Variants in SYNPO2 observed in about 807,000 individuals in gnomAD.
SYNPO2 encodes the protein synaptopodin-2.
SYNPO2 carries 56 observed loss-of-function variants against 85.0 expected under a neutral mutation model. The observed-to-expected ratio is 0.66, with a 90% confidence interval of 0.53 to 0.82. The LOEUF (loss-of-function observed/expected upper bound fraction) is 0.82. Ranked by LOEUF, SYNPO2 falls within the 40% of genes least tolerant of loss-of-function variation. The pLI is 0.00. For synonymous variants in SYNPO2, 602 were observed against 591.1 expected, an observed-to-expected ratio of 1.02 and a Z score of -0.27; for missense variants, 1,575 against 1,534.2, an observed-to-expected ratio of 1.03 and a Z score of -0.44.
chr4:118,878,678 A>G (rs1404144007), intron 1 of SYNPO2, among the ~76,000 whole-genome samples: 2 of 152,156 alleles, frequency 1.3e-5, no homozygotes, highest in African/African-American at 4.8e-5. Context: ...AAACGCACCA[A>G]TCAGTGCTCT....
At position 119,057,526 on chromosome 4, in the gene SYNPO2, C is replaced by T. The variant is rs1739246643; in HGVS notation, c.3378C>T (p.Asn1126=). Reference sequence around the variant, plus strand: ...CAACCGATGGACTAGAGAAAGCAAACAAGAGACCAACTCCTTGGGAAGCAG... The same window carrying T: ...CAACCGATGGACTAGAGAAAGCAAATAAGAGACCAACTCCTTGGGAAGCAG... ...SKPTDGLEKA[N]KRPTPWEAAA... The change falls in exon 5 of 5, where the codon AAC becomes AAT. Residue 1126 remains asparagine, a synonymous_variant. Coordinates refer to ENST00000307142, the MANE Select transcript of SYNPO2 (RefSeq NM_133477.3). The T allele has an allele frequency of 1.2e-6, 2 of 1,613,946 alleles. No individual in the cohort carries two copies. Among genetic ancestry groups the T allele is most frequent in the Non-Finnish European group, 1.7e-6 (2 of 1,180,032 alleles).
chr4:119,059,913 T>C lies in SYNPO2; in HGVS notation c.*1979T>C, dbSNP rs573274546. On this transcript the variant is annotated 3_prime_UTR_variant, in exon 5 of 5. Transcript: ENST00000307142. ...GATGTAATGATCCCAAGAGTTTTTA[T>C]AGAATCCTAAAAAATAACGCCTGAT... 6 of 152,278 alleles carry C rather than the reference T, an allele frequency of 3.9e-5. No individual in the cohort carries two copies. The highest frequency in any genetic ancestry group is 1.4e-4 in the African/African-American group (6 of 41,578). The allele number at this position is 152,278 out of a possible 1,614,324, so 9.4% of individuals were successfully genotyped here.
chr4:118,882,850 A>C (rs1200169814), intron 1 of SYNPO2, among the ~76,000 whole-genome samples: 1 of 151,896 alleles, frequency 6.6e-6, no homozygotes, highest in Non-Finnish European at 1.5e-5. Context: ...GCTCACTGCA[A>C]GCTCCACCTC....
intron 1 of SYNPO2, among the ~76,000 whole-genome samples, chr4:118,871,717 T>A (rs11938057): frequency 0.12 from 17,613 of 151,938 alleles, 1,257 homozygotes; most frequent in South Asian, 0.17. Flanking sequence ...TACAGGCGCC[T>A]GCCACCATGC....
At position 119,026,888 on chromosome 4, in the gene SYNPO2, C is replaced by T; in HGVS notation, c.519C>T (p.Ser173=). Residue 173 remains serine, a synonymous_variant, in exon 3 of 5, where the codon TCC becomes TCT. Coordinates refer to ENST00000307142, the MANE Select transcript of SYNPO2 (RefSeq NM_133477.3). The stretch of plus-strand genomic sequence containing the variant: ...AAAGGGCTCCCCAAATGCCTGACTC[C>T]CAAAGAGGACGCGTGGCAGAAGAGC... ...SYQRAPQMPD[S]QRGRVAEELI... is the part of the protein sequence containing the mutation. The T allele has an allele frequency of 1.2e-6, 2 of 1,614,112 alleles. No homozygotes were observed. Among genetic ancestry groups the T allele is most frequent in the Non-Finnish European group, 1.7e-6 (2 of 1,180,020 alleles).
At chr4:118,983,451 A>ACTCAT (rs1736106210) in intron 1 of SYNPO2, among the ~76,000 whole-genome samples, 1 of 151,848 alleles carries the variant, frequency 6.6e-6, no homozygotes, top group Non-Finnish European at 1.5e-5. Context: ...CCCATGAGCT[A>ACTCAT]CTCATCTCCA....
At chr4:118,963,632 T>TA (rs951222509) in intron 1 of SYNPO2, among the ~76,000 whole-genome samples, 9 of 152,190 alleles carry the variant, frequency 5.9e-5, no homozygotes, top group South Asian at 2.1e-4. Flanking sequence ...TACATTTTTT[T>TA]AAAAAAATCA....
At chr4:119,053,123 C>G (rs1739104040) in intron 4 of SYNPO2, among the ~76,000 whole-genome samples, 1 of 152,214 alleles carries the variant, frequency 6.6e-6, no homozygotes, top group Admixed American at 6.5e-5. Flanking sequence ...TTGGTCGTTT[C>G]TGGCTCAGGG....
At chr4:119,057,108 A>G (rs1201988498) in intron 4 of SYNPO2, among the ~76,000 whole-genome samples, 4 of 152,164 alleles carry the variant, frequency 2.6e-5, no homozygotes, top group African/African-American at 4.8e-5. Flanking sequence ...ACTATGCCTA[A>G]GAAAGATGAT....
chr4:118,970,507 A>T (rs1735499159), intron 1 of SYNPO2, among the ~76,000 whole-genome samples: 1 of 152,200 alleles, frequency 6.6e-6, no homozygotes, highest in Non-Finnish European at 1.5e-5. Flanking sequence ...ACCCTGTAAT[A>T]ACTTGATACC....
At chr4:118,981,947 A>G (rs568467171) in intron 1 of SYNPO2, among the ~76,000 whole-genome samples, 2 of 152,316 alleles carry the variant, frequency 1.3e-5, no homozygotes, top group African/African-American at 4.8e-5. Flanking sequence ...ATAGTTGACT[A>G]TTCTCAGACT....
At chr4:119,007,502 C>T (rs1305498864) in intron 1 of SYNPO2, among the ~76,000 whole-genome samples, 1 of 151,216 alleles carries the variant, frequency 6.6e-6, no homozygotes, top group Non-Finnish European at 1.5e-5. Context: ...AGATTTATGT[C>T]TATAAGCCTT....
intron 1 of SYNPO2, among the ~76,000 whole-genome samples, chr4:118,879,567 C>T (rs540147563): frequency 2.4e-4 from 36 of 152,292 alleles, no homozygotes; most frequent in African/African-American, 8.2e-4. Flanking sequence ...AGACAGTGGA[C>T]CTAGCAGCCC....
chr4:118,936,109 A>G (rs1560884378), intron 1 of SYNPO2, among the ~76,000 whole-genome samples: 1 of 152,172 alleles, frequency 6.6e-6, no homozygotes, highest in East Asian at 1.9e-4. Flanking sequence ...TCATCATCCT[A>G]CAATTGCCCA....
chr4:118,868,934 C>T lies in SYNPO2; in HGVS notation c.12+17994C>T, dbSNP rs192920521. Among the ~76,000 whole-genome samples, 4 of 152,328 alleles carry T rather than the reference C, an allele frequency of 2.6e-5. No homozygotes were observed. In the East Asian group the frequency reaches 7.7e-4, roughly 29 times the overall value. ...CTTAAGAGTCTGGCTTGCTTTCCCA[C>T]TGATTCCAGCATGACCGCAGGAGAT... On this transcript the variant is annotated intron_variant, in intron 1 of 4. Coordinates refer to the SYNPO2 transcript ENST00000610556.
chr4:118,952,118 A>G (rs956044681), intron 1 of SYNPO2, among the ~76,000 whole-genome samples: 3 of 152,094 alleles, frequency 2.0e-5, no homozygotes, highest in African/African-American at 4.8e-5. Flanking sequence ...TGAGTCCCCA[A>G]CCTCCCAGCT....
chr4:119,049,018 C>T (rs944132129), intron 4 of SYNPO2, among the ~76,000 whole-genome samples: 3 of 152,142 alleles, frequency 2.0e-5, no homozygotes, highest in African/African-American at 7.2e-5. Context: ...AATTAGGAGA[C>T]AGTAGCAATA....
At chr4:118,861,171 G>T (rs999013079) in intron 1 of SYNPO2, among the ~76,000 whole-genome samples, 1 of 151,764 alleles carries the variant, frequency 6.6e-6, no homozygotes, top group Non-Finnish European at 1.5e-5. Context: ...TGAGCTCTTA[G>T]TTTTTTTGAG....
chr4:119,029,673 C>T (rs757000635), intron 3 of SYNPO2, among the ~76,000 whole-genome samples, 172 bp from the exon 4 acceptor site: 8 of 151,928 alleles, frequency 5.3e-5, no homozygotes, highest in Non-Finnish European at 7.4e-5. Flanking sequence ...TAGAAGGAAA[C>T]ATGTTAAGAG....
Sources: allele counts gnomAD v4.1 joint callset (sites outside exome capture counted in the v4.1 genomes callset), GRCh38; gene constraint gnomAD v4.1.1; transcripts MANE v1.5; gene names NCBI Gene and HGNC (gene_info 2026-07-23, HGNC 2026-07-21).